The following STAT2 variants were observed in gnomAD, a reference collection of about 807,000 sequenced individuals.
STAT2 encodes interferon alpha induced transcriptional activator.
Under a neutral mutation model 122.3 loss-of-function variants are expected in STAT2, and 51 were observed. That is an observed-to-expected ratio of 0.42 (90% CI 0.33 to 0.53). STAT2 has a LOEUF of 0.53. STAT2 is among the 20% of genes least tolerant of loss of function. The probability of loss-of-function intolerance (pLI) is 0.10; values close to 1 mark genes in which losing one functional copy is unlikely to be tolerated. For synonymous variants in STAT2, 351 were observed against 394.9 expected, an observed-to-expected ratio of 0.89 and a Z score of 1.32; for missense variants, 736 against 1,010.3, an observed-to-expected ratio of 0.73 and a Z score of 3.68.
chr12:56,359,016 T>C (rs1368325567), intron 1 of STAT2, among the ~76,000 whole-genome samples: 1 of 152,208 alleles, frequency 6.6e-6, no homozygotes, highest in Non-Finnish European at 1.5e-5. Flanking sequence ...CTTATGCTTG[T>C]TGCAGCCTGA....
Position 56,351,454 on chromosome 12 carries a change from G to A in STAT2, c.783-4C>T. On this transcript the variant is annotated splice_polypyrimidine_tract_variant and splice_region_variant and intron_variant, in intron 8 of 23. Coordinates refer to ENST00000314128, the MANE Select transcript of STAT2 (RefSeq NM_005419.4). ...CAGCTTTGCTCCAGCTGTGAACCTG[G>A]GTGATAAAATTCAGGAAGAAGGAAT... 6.2e-7 allele frequency: 1 copy of A among 1,611,244 alleles called. No homozygotes were observed.
rs1282158022 is a variant in STAT2, at chr12:56,341,822, T to C, written c.*1567A>G. ...ATTGTCCAGAGTCCTATGACAGACC[T>C]TCAAGGTTTTAAGTTCCACAGACTT... On this transcript the variant is annotated 3_prime_UTR_variant, in exon 24 of 24. Transcript: ENST00000314128. 6.6e-6 allele frequency: 1 copy of C among 152,212 alleles called. No individual in the cohort carries two copies. The highest frequency in any genetic ancestry group is 1.5e-5 in the Non-Finnish European group (1 of 68,038). The allele number at this position is 152,212 out of a possible 1,614,324, so 9.4% of individuals were successfully genotyped here.
chr12:56,358,876 A>G (rs1879935938), intron 1 of STAT2, among the ~76,000 whole-genome samples: 1 of 152,154 alleles, frequency 6.6e-6, no homozygotes, highest in Non-Finnish European at 1.5e-5. Flanking sequence ...AGCCTGGGTG[A>G]CAAAGCAAGA....
chr12:56,348,434 G>T, intron 19 of STAT2, 95 bp downstream of exon 19: 3 of 1,310,044 alleles, frequency 2.3e-6, no homozygotes, highest in Non-Finnish European at 3.3e-6. Context: ...ACCTGTCTTT[G>T]CTCTCTCTCC....
At chr12:56,353,267 C>A (rs1391995850) in intron 8 of STAT2, among the ~76,000 whole-genome samples, 4 of 152,106 alleles carry the variant, frequency 2.6e-5, no homozygotes, top group African/African-American at 9.7e-5. Context: ...CATGTGTGAG[C>A]CACTGTGTCC....
intron 1 of STAT2, among the ~76,000 whole-genome samples, 177 bp downstream of exon 1, chr12:56,359,881 G>A (rs1880114922): frequency 6.6e-6 from 1 of 152,150 alleles, no homozygotes; most frequent in South Asian, 2.1e-4. Flanking sequence ...TTAGGGTTAG[G>A]GAGATAGGCT....
At chr12:56,354,741 T>G (rs1407438059) in intron 7 of STAT2, 37 bp downstream of exon 7, 1 of 1,613,860 alleles carries the variant, frequency 6.2e-7, no homozygotes, top group Non-Finnish European at 8.5e-7. Flanking sequence ...TTTTTCCAGG[T>G]CCTTGTTGCC....
rs372474228 is a variant in STAT2, at chr12:56,343,494, C to T, written c.2451G>A (p.Pro817=). 37 of 1,613,992 alleles carry T rather than the reference C, an allele frequency of 2.3e-5. No homozygotes were observed. The highest frequency in any genetic ancestry group is 1.6e-4 in the Middle Eastern group (1 of 6,080). ...RNCVKIEEIM[P]NGDPLLAGQN... ...GGCCAGCCAACAGTGGGTCACCATTCGGCATGATTTCTTCAATCTTTACAC... is the reference window on the plus strand; with the variant it reads ...GGCCAGCCAACAGTGGGTCACCATTTGGCATGATTTCTTCAATCTTTACAC... The change falls in exon 24 of 24, where the codon CCG becomes CCA. Residue 817 remains proline, a synonymous_variant. Coordinates refer to ENST00000314128, the MANE Select transcript of STAT2 (RefSeq NM_005419.4).
chr12:56,343,701 G>C (rs1876913481), intron 23 of STAT2, 124 bp downstream of exon 23: 1 of 1,532,676 alleles, frequency 6.5e-7, no homozygotes. Flanking sequence ...CTAAAAAAAG[G>C]AATCACAGAA....
intron 18 of STAT2, 47 bp from the exon 19 acceptor site, chr12:56,348,670 G>A: frequency 1.2e-6 from 2 of 1,614,038 alleles, no homozygotes; most frequent in Non-Finnish European, 1.7e-6. Flanking sequence ...GTTGCCTCTG[G>A]TGTAGGGAAG....
intron 6 of STAT2, 135 bp from the exon 7 acceptor site, chr12:56,354,998 C>A: frequency 1.1e-6 from 1 of 923,022 alleles, no homozygotes; most frequent in Non-Finnish European, 1.7e-6. Flanking sequence ...ACCTGTGGGA[C>A]CCTCAGGCAA....
At chr12:56,352,371 T>TTTTTGGG (rs1565655623) in intron 8 of STAT2, 2 of 28,462 alleles carry the variant, frequency 7.0e-5, no homozygotes, top group African/African-American at 1.7e-4. Context: ...TTTTTTTTTT[T>TTTTTGGG]GGTGGGGGTG....
chr12:56,349,672 TG>T, intron 13 of STAT2, 36 bp from the exon 14 acceptor site: 1 of 1,613,938 alleles, frequency 6.2e-7, no homozygotes, highest in Non-Finnish European at 8.5e-7. Flanking sequence ...AATGCCAGAG[TG>T]GGCACCCTAG....
At position 56,355,881 on chromosome 12, in the gene STAT2, T is replaced by C. The variant is rs1879437156; in HGVS notation, c.286-78A>G. 2.9e-5 allele frequency: 42 copies of C among 1,435,262 alleles called. No homozygotes were observed. The South Asian group carries it at 4.6e-4, about 16-fold the overall frequency. 88.9% of individuals were successfully genotyped at this position (1,435,262 alleles called of 1,614,324 possible). A position where few individuals can be genotyped will look rare whatever the true frequency, so the allele number is the denominator to read the frequency against. On this transcript the variant is annotated intron_variant, in intron 3 of 23. Coordinates refer to ENST00000314128, the MANE Select transcript of STAT2 (RefSeq NM_005419.4). ...TATTGCCCTAGACCCTCCCCACCAATGTCCACAGTATTTCCTCCTCCTTCG... is the reference window on the plus strand; with the variant it reads ...TATTGCCCTAGACCCTCCCCACCAACGTCCACAGTATTTCCTCCTCCTTCG...
At chr12:56,350,011 T>C (rs567611649) in intron 13 of STAT2, 86 bp downstream of exon 13, 59 of 1,229,958 alleles carry the variant, frequency 4.8e-5, no homozygotes, top group Non-Finnish European at 6.5e-5. Context: ...ATGGCACCAC[T>C]GCACTCCAGC....
chr12:56,344,673 C>A (rs1043075242), intron 22 of STAT2, among the ~76,000 whole-genome samples: 6 of 152,076 alleles, frequency 3.9e-5, no homozygotes, highest in Admixed American at 2.0e-4. Context: ...GAGCTCATGA[C>A]CAGCCTGGCC....
At position 56,349,556 on chromosome 12, in the gene STAT2, C is replaced by T. The variant is rs768279499; in HGVS notation, c.1257+33G>A. ...TCATCAGAAGGCTCTTTGGCAAGCTCCCCCTGCCTCGAGTCCTCTGTCCAG... is the reference window on the plus strand; with the variant it reads ...TCATCAGAAGGCTCTTTGGCAAGCTTCCCCTGCCTCGAGTCCTCTGTCCAG... On this transcript the variant is annotated intron_variant, in intron 14 of 23. Transcript: ENST00000314128. The T allele has an allele frequency of 1.8e-5, 29 of 1,614,134 alleles. 1 individual carries two copies. The South Asian group carries it at 3.1e-4, about 17-fold the overall frequency.
chr12:56,346,835 C>T lies in STAT2; in HGVS notation c.1845G>A (p.Val615=), dbSNP rs937139257. The T allele has an allele frequency of 1.2e-6, 2 of 1,614,214 alleles. No individual in the cohort carries two copies. Among genetic ancestry groups the T allele is most frequent in the South Asian group, 1.1e-5 (1 of 91,084 alleles). The change falls in exon 20 of 24, where the codon GTG becomes GTA. Residue 615 remains valine (V), a synonymous_variant. Coordinates refer to ENST00000314128, the MANE Select transcript of STAT2 (RefSeq NM_005419.4). ...GCAGCTGACCATCATCCTGGTGCTCCACCCAGGAGCAGGTAATGCCCCCTT... is the reference window on the plus strand; with the variant it reads ...GCAGCTGACCATCATCCTGGTGCTCTACCCAGGAGCAGGTAATGCCCCCTT... ...SSEGGITCSW[V]EHQDDDKVLI...
intron 11 of STAT2, 148 bp downstream of exon 11, chr12:56,350,681 G>A: frequency 1.1e-6 from 1 of 934,132 alleles, no homozygotes; most frequent in South Asian, 1.5e-5. Context: ...CACAAAGTAA[G>A]TGTTCAACAA....
Sources: gnomAD v4.1 joint callset for allele counts (sites outside exome capture counted in the v4.1 genomes callset) on GRCh38, gnomAD v4.1.1 for gene constraint, MANE v1.5 for transcripts, NCBI Gene and HGNC (gene_info 2026-07-23, HGNC 2026-07-21) for gene names.